The following RAB11FIP4 variants were observed in gnomAD, a reference collection of about 807,000 sequenced individuals.
RAB11FIP4 encodes RAB11 family interacting protein 4, also known as rab11 family-interacting protein 4.
Under a neutral mutation model 74.3 loss-of-function variants are expected in RAB11FIP4, and 23 were observed. That is an observed-to-expected ratio of 0.31 (90% CI 0.22 to 0.44). RAB11FIP4 has a LOEUF of 0.44. RAB11FIP4 is among the 20% of genes least tolerant of loss of function. RAB11FIP4 has a pLI of 1.00. For missense variants in RAB11FIP4, 630 were observed against 863.9 expected (o/e 0.73, Z 3.39); for synonymous variants, 360 against 359.9 (o/e 1.00, Z 0.00).
At chr17:31,408,943 T>A (rs1239655523) in intron 1 of RAB11FIP4, among the ~76,000 whole-genome samples, 1 of 152,208 alleles carries the variant, frequency 6.6e-6, no homozygotes, top group African/African-American at 2.4e-5. Context: ...CTGCTATGGT[T>A]CAGGGGAGGA....
At chr17:31,507,476 G>A (rs890310861) in intron 3 of RAB11FIP4, among the ~76,000 whole-genome samples, 2 of 151,984 alleles carry the variant, frequency 1.3e-5, no homozygotes, top group Non-Finnish European at 2.9e-5. Context: ...TATACCTCTT[G>A]GCCATTTGTG....
rs2072943616 is a variant in RAB11FIP4, at chr17:31,535,456, T to C, written c.*3724T>C. The C allele has an allele frequency of 2.0e-5, 3 of 152,120 alleles. No homozygotes were observed. Among genetic ancestry groups the C allele is most frequent in the South Asian group, 4.2e-4 (2 of 4,816 alleles). 9.4% of individuals were successfully genotyped at this position (152,120 alleles called of 1,614,324 possible). A position where few individuals can be genotyped will look rare whatever the true frequency, so the allele number is the denominator to read the frequency against. On this transcript the variant is annotated 3_prime_UTR_variant, in exon 15 of 15. Transcript: ENST00000621161. ...GATGTGTAAAGACCTCCCCAGGTGA[T>C]GATATGCAGTCCGAGGTTGAGACTG...
chr17:31,467,824 C>T (rs2071700054), intron 3 of RAB11FIP4, among the ~76,000 whole-genome samples: 1 of 152,226 alleles, frequency 6.6e-6, no homozygotes, highest in African/African-American at 2.4e-5. Context: ...ATAGAATCTG[C>T]CCCGAGCTTG....
chr17:31,528,523 G>T lies in RAB11FIP4; in HGVS notation c.1474G>T (p.Glu492Ter), dbSNP rs1327879926. Reference protein sequence around the residue: ...LRQNRLEFQKEREATQELIED... With the variant: ...LRQNRLEFQK ...ACAGAACCGCCTTGAGTTCCAGAAG[G>T]AGCGGGAGGCGACGCAGGAGGTAGG... The change falls in exon 12 of 15, where the codon GAG becomes TAG. Residue 492 changes from glutamate (E) to a stop codon, truncating the protein, a stop_gained. Transcript: ENST00000621161. LOFTEE classifies it high-confidence loss of function. The T allele has an allele frequency of 1.2e-6, 2 of 1,613,764 alleles. No homozygotes were observed. Among genetic ancestry groups the T allele is most frequent in the Non-Finnish European group, 1.7e-6 (2 of 1,180,046 alleles).
At chr17:31,492,254 G>A (rs2072023240) in intron 3 of RAB11FIP4, among the ~76,000 whole-genome samples, 1 of 152,180 alleles carries the variant, frequency 6.6e-6, no homozygotes, top group African/African-American at 2.4e-5. Flanking sequence ...GGGGTCCTAA[G>A]GACCCCAGGG....
chr17:31,469,497 T>G lies in RAB11FIP4; in HGVS notation c.336+35375T>G, dbSNP rs561350105. Among the ~76,000 whole-genome samples the G allele has an allele frequency of 6.6e-5, 10 of 151,962 alleles. No individual in the cohort carries two copies. In the South Asian group the frequency reaches 2.1e-3, roughly 32 times the overall value. Reference sequence around the variant, plus strand: ...AAAAAATGAGCTAGGCATGGTGGTGTGTGCCTGTAGTCCCAGCTACTCAGG... The same window carrying G: ...AAAAAATGAGCTAGGCATGGTGGTGGGTGCCTGTAGTCCCAGCTACTCAGG... On this transcript the variant is annotated intron_variant, in intron 3 of 14. Transcript: ENST00000621161.
At chr17:31,494,649 A>T (rs183236169) in intron 3 of RAB11FIP4, among the ~76,000 whole-genome samples, 2,983 of 102,798 alleles carry the variant, frequency 0.029, 48 homozygotes, top group African/African-American at 0.057. Flanking sequence ...TAATTTTTTT[A>T]AAAAAAAAGT....
At chr17:31,470,876 G>A (rs1443193119) in intron 3 of RAB11FIP4, among the ~76,000 whole-genome samples, 2 of 152,228 alleles carry the variant, frequency 1.3e-5, no homozygotes, top group Non-Finnish European at 2.9e-5. Flanking sequence ...AGGCTTCAAG[G>A]AGGAGGGGAG....
chr17:31,496,324 C>T (rs1233882489), intron 3 of RAB11FIP4, among the ~76,000 whole-genome samples: 3 of 152,186 alleles, frequency 2.0e-5, no homozygotes, highest in Non-Finnish European at 2.9e-5. Context: ...ACATATGAAT[C>T]GTGGCTCCAC....
chr17:31,455,176 A>T (rs2071567393), intron 3 of RAB11FIP4, among the ~76,000 whole-genome samples: 1 of 152,240 alleles, frequency 6.6e-6, no homozygotes, highest in Admixed American at 6.5e-5. Flanking sequence ...GGTCAGACCC[A>T]GGGTTTATAT....
At position 31,399,012 on chromosome 17, in the gene RAB11FIP4, T is replaced by C. The variant is rs538231672; in HGVS notation, c.159+7001T>C. ...GCTCCTGGACAATGGTGCCCCGGCC[T>C]GGGCAACCTTCGGCCGGCAGGAATA... On this transcript the variant is annotated intron_variant, in intron 1 of 14. Coordinates refer to ENST00000621161, the MANE Select transcript of RAB11FIP4 (RefSeq NM_032932.6). Among the ~76,000 whole-genome samples the C allele has an allele frequency of 2.0e-5, 3 of 152,286 alleles. No homozygotes were observed. In the East Asian group the frequency reaches 5.8e-4, roughly 29 times the overall value.
chr17:31,528,511 G>C lies in RAB11FIP4; in HGVS notation c.1462G>C (p.Glu488Gln), dbSNP rs750347177. The change falls in exon 12 of 15, where the codon GAG (glutamate) becomes CAG (glutamine). Residue 488 changes from glutamate to glutamine, a missense_variant. Glu to Gln is a conservative substitution (Grantham distance 29). Transcript: ENST00000621161. ...GGACAAGCTGCGACAGAACCGCCTT[G>C]AGTTCCAGAAGGAGCGGGAGGCGAC... ...MMDKLRQNRL[E>Q]FQKEREATQE... 5.0e-6 allele frequency: 8 copies of C among 1,613,802 alleles called. No individual in the cohort carries two copies. The Admixed American group carries it at 6.7e-5, about 13-fold the overall frequency.
chr17:31,513,452 G>T (rs544711241), intron 3 of RAB11FIP4, among the ~76,000 whole-genome samples: 2 of 152,266 alleles, frequency 1.3e-5, no homozygotes, highest in African/African-American at 2.4e-5. Context: ...CCTCCAGGCC[G>T]GCGGGAGAAG....
In RAB11FIP4 at chr17:31,537,232, G is replaced by C. The variant is rs937207516; in HGVS notation, c.*5500G>C. 5 of 399,182 alleles carry C rather than the reference G, an allele frequency of 1.3e-5. No homozygotes were observed. Among genetic ancestry groups the C allele is most frequent in the Non-Finnish European group, 2.2e-5 (5 of 226,166 alleles). The allele number at this position is 399,182 out of a possible 1,614,324, so 24.7% of individuals were successfully genotyped here. On this transcript the variant is annotated 3_prime_UTR_variant, in exon 15 of 15. Coordinates refer to ENST00000621161, the MANE Select transcript of RAB11FIP4 (RefSeq NM_032932.6). ...ATCTCCCTGGCCTTTCCCGAGCCCT[G>C]TAAATGTGTACTTTTTCAACGTGCC...
chr17:31,491,362 A>C (rs1293523968), intron 3 of RAB11FIP4, among the ~76,000 whole-genome samples: 1 of 152,200 alleles, frequency 6.6e-6, no homozygotes, highest in Non-Finnish European at 1.5e-5. Context: ...CAGTGAACAA[A>C]ACAGACGAGA....
At chr17:31,466,093 G>A (rs1030240371) in intron 3 of RAB11FIP4, among the ~76,000 whole-genome samples, 2 of 152,026 alleles carry the variant, frequency 1.3e-5, no homozygotes, top group Admixed American at 6.5e-5. Context: ...GCAGTGAGCC[G>A]AGATCACGCC....
At position 31,401,612 on chromosome 17, in the gene RAB11FIP4, G is replaced by A. The variant is rs1252189667; in HGVS notation, c.159+9601G>A. On this transcript the variant is annotated intron_variant, in intron 1 of 14. Coordinates refer to ENST00000621161, the MANE Select transcript of RAB11FIP4 (RefSeq NM_032932.6). ...TTGCTGTGGCTCAGGGCTTACAGGC[G>A]CAAAACCCGGAGAAGATTGCCAGCT... is the stretch of plus-strand genomic sequence containing the variant. Among the ~76,000 whole-genome samples the A allele has an allele frequency of 3.9e-5, 6 of 152,352 alleles. No homozygotes were observed. The East Asian group carries it at 9.6e-4, about 24-fold the overall frequency.
intron 3 of RAB11FIP4, among the ~76,000 whole-genome samples, chr17:31,503,244 G>A (rs2072255253): frequency 6.7e-6 from 1 of 149,588 alleles, no homozygotes; most frequent in Non-Finnish European, 1.5e-5. Context: ...TGTTGGCCAG[G>A]CTAGTCTCGA....
chr17:31,528,581 G>C (rs1427326728), intron 12 of RAB11FIP4, 38 bp downstream of exon 12: 1 of 1,613,332 alleles, frequency 6.2e-7, no homozygotes, highest in African/African-American at 1.3e-5. Flanking sequence ...GCTCCTTCCA[G>C]CATCCCTGCT....
Sources: gnomAD v4.1 joint callset for allele counts (sites outside exome capture counted in the v4.1 genomes callset) on GRCh38, gnomAD v4.1.1 for gene constraint, MANE v1.5 for transcripts, NCBI Gene and HGNC (gene_info 2026-07-23, HGNC 2026-07-21) for gene names.